TGFB1: variants seen among roughly 807,000 people sequenced by gnomAD.
The protein encoded by TGFB1 is transforming growth factor beta 1, also known as transforming growth factor beta-1 proprotein.
A neutral mutation model predicts 43.8 loss-of-function variants in TGFB1; 19 were observed. The observed-to-expected ratio is 0.43, with a 90% confidence interval of 0.30 to 0.64. TGFB1 has a LOEUF of 0.64. TGFB1 is among the 30% of genes least tolerant of loss of function. The pLI is 0.11. For missense variants in TGFB1, 445 were observed against 529.8 expected, an observed-to-expected ratio of 0.84 and a Z score of 1.57; for synonymous variants, 221 against 236.3, an observed-to-expected ratio of 0.94 and a Z score of 0.60.
intron 5 of TGFB1, among the ~76,000 whole-genome samples, chr19:41,339,983 A>G (rs2038036598): frequency 6.6e-6 from 1 of 152,174 alleles, no homozygotes; most frequent in South Asian, 2.1e-4. Flanking sequence ...GGGAGGAATA[A>G]GGTCAGATGA....
intron 1 of TGFB1, among the ~76,000 whole-genome samples, chr19:41,349,299 C>T (rs11466320): frequency 4.3e-4 from 66 of 152,294 alleles, no homozygotes; most frequent in African/African-American, 1.4e-3. Context: ...CTAATTTAAG[C>T]GCTGTGTAAC....
At chr19:41,350,634 T>C (rs2038177794) in intron 1 of TGFB1, among the ~76,000 whole-genome samples, 1 of 152,142 alleles carries the variant, frequency 6.6e-6, no homozygotes, top group Non-Finnish European at 1.5e-5. Context: ...TAGGAAAAGT[T>C]TGGGGATGGG....
At chr19:41,339,370 T>C (rs1329885576) in intron 5 of TGFB1, among the ~76,000 whole-genome samples, 1 of 152,036 alleles carries the variant, frequency 6.6e-6, no homozygotes, top group Non-Finnish European at 1.5e-5. Flanking sequence ...CTGCCTGCCT[T>C]GGCCTCCCAA....
chr19:41,339,143 T>C (rs2038023992), intron 5 of TGFB1, among the ~76,000 whole-genome samples: 2 of 142,660 alleles, frequency 1.4e-5, no homozygotes, highest in South Asian at 4.4e-4. Flanking sequence ...TTTTTTTTCC[T>C]GAGACAAGGT....
chr19:41,342,900 G>C (rs2038074674), intron 3 of TGFB1, among the ~76,000 whole-genome samples: 1 of 151,912 alleles, frequency 6.6e-6, no homozygotes, highest in African/African-American at 2.4e-5. Flanking sequence ...TCCTGCCCTG[G>C]CCTCCCGAAG....
In TGFB1 at chr19:41,332,266, G is replaced by A; in HGVS notation, c.876C>T (p.Asn292=). The A allele has an allele frequency of 3.1e-6, 5 of 1,613,976 alleles. No individual in the cohort carries two copies. Among genetic ancestry groups the A allele is most frequent in the Non-Finnish European group, 4.2e-6 (5 of 1,179,920 alleles). The change falls in exon 6 of 7, where the codon AAC becomes AAT. Residue 292 remains asparagine, a synonymous_variant. Coordinates refer to ENST00000221930, the MANE Select transcript of TGFB1 (RefSeq NM_000660.7). ...TNYCFSSTEK[N]CCVRQLYIDF... ...CAATGTACAGCTGCCGCACGCAGCA[G>A]TTCTTCTCCGTGGAGCTGCAGGCAG...
chr19:41,344,142 A>C (rs572846535), intron 3 of TGFB1, among the ~76,000 whole-genome samples: 1 of 151,818 alleles, frequency 6.6e-6, no homozygotes, highest in Non-Finnish European at 1.5e-5. Flanking sequence ...AACAGCATGC[A>C]TGGCTAATTT....
chr19:41,352,918 G>A lies in TGFB1; in HGVS notation c.127C>T (p.Arg43Trp). Residue 43 changes from arginine (R) to tryptophan (W), a missense_variant, in exon 1 of 7, where the codon CGG becomes TGG. Arg to Trp is a moderately radical substitution (Grantham distance 101, BLOSUM62 -3). Transcript: ENST00000221930. ...CKTIDMELVK[R>W]KRIEAIRGQI... ...CCGCGGATGGCCTCGATGCGCTTCC[G>A]CTTCACCAGCTCCATGTCGATAGTC... 1 of 1,557,076 alleles carries A rather than the reference G, an allele frequency of 6.4e-7. No homozygotes were observed. Among genetic ancestry groups the A allele is most frequent in the Non-Finnish European group, 8.7e-7 (1 of 1,152,226 alleles).
At chr19:41,338,763 C>T (rs773877040) in intron 5 of TGFB1, among the ~76,000 whole-genome samples, 2 of 150,926 alleles carry the variant, frequency 1.3e-5, no homozygotes, top group East Asian at 1.9e-4. Context: ...CACTTGAACC[C>T]GGGAGGCAGA....
chr19:41,352,594 C>A, intron 1 of TGFB1, 96 bp downstream of exon 1: 8 of 1,445,478 alleles, frequency 5.5e-6, no homozygotes, highest in Non-Finnish European at 7.6e-6. Context: ...CTTCCTCCAG[C>A]CAGTTTCTTC....
intron 5 of TGFB1, among the ~76,000 whole-genome samples, chr19:41,340,296 G>T (rs2038041151): frequency 1.5e-5 from 2 of 129,962 alleles, no homozygotes; most frequent in Non-Finnish European, 3.1e-5. Flanking sequence ...TCGCATCATT[G>T]CCCAGGCCGG....
intron 5 of TGFB1, among the ~76,000 whole-genome samples, chr19:41,340,271 TTTTTA>T (rs1791040092): frequency 6.8e-6 from 1 of 146,796 alleles, no homozygotes; most frequent in Middle Eastern, 3.2e-3. Context: ...TTTTTTTTTT[TTTTTA>T]GATGGAGTCT....
intron 5 of TGFB1, among the ~76,000 whole-genome samples, chr19:41,338,579 C>G (rs1017672988): frequency 6.6e-6 from 1 of 151,764 alleles, no homozygotes; most frequent in Non-Finnish European, 1.5e-5. Context: ...TGGCTCATGC[C>G]TGTAATCCTA....
At chr19:41,344,904 T>G in intron 2 of TGFB1, 40 bp from the exon 3 acceptor site, 10 of 1,517,782 alleles carry the variant, frequency 6.6e-6, no homozygotes, top group Non-Finnish European at 9.0e-6. Context: ...AGTGGGTAGA[T>G]GGTGTCACGA....
In TGFB1 at chr19:41,330,766, C is replaced by T. The variant is rs1402074315; in HGVS notation, c.*286G>A. On this transcript the variant is annotated 3_prime_UTR_variant, in exon 7 of 7. Transcript: ENST00000221930. ...AAATAGATCTAACTACAGTAGTGTT[C>T]CCCACTGGTCCCCTGTGCCTTGATG... The T allele has an allele frequency of 1.2e-5, 5 of 426,132 alleles. No homozygotes were observed. Among genetic ancestry groups the T allele is most frequent in the Non-Finnish European group, 2.1e-5 (5 of 236,446 alleles). The allele number at this position is 426,132 out of a possible 1,614,324, so 26.4% of individuals were successfully genotyped here. A position where few individuals can be genotyped will look rare whatever the true frequency, so the allele number is the denominator to read the frequency against.
intron 5 of TGFB1, among the ~76,000 whole-genome samples, chr19:41,336,299 GAA>G (rs2037987619): frequency 6.6e-6 from 1 of 151,798 alleles, no homozygotes; most frequent in South Asian, 2.1e-4. Context: ...CGTCCAGCTG[GAA>G]AGTTTCAGAT....
intron 5 of TGFB1, among the ~76,000 whole-genome samples, chr19:41,340,869 G>A (rs755485010): frequency 1.2e-4 from 18 of 152,080 alleles, no homozygotes; most frequent in Non-Finnish European, 1.9e-4. Flanking sequence ...CCTTGAGTCC[G>A]ACATTTTCCA....
At chr19:41,341,466 C>CAAAATAAA (rs2038054088) in intron 5 of TGFB1, among the ~76,000 whole-genome samples, 1 of 35,586 alleles carries the variant, frequency 2.8e-5, no homozygotes, top group African/African-American at 1.2e-4. Flanking sequence ...GACTCTGTCT[C>CAAAATAAA]AAAAAAAAAA....
chr19:41,339,823 CA>C (rs2038034119), intron 5 of TGFB1, among the ~76,000 whole-genome samples: 2 of 152,158 alleles, frequency 1.3e-5, no homozygotes, highest in Admixed American at 1.3e-4. Context: ...GACTCTGTCT[CA>C]AAAAAGACCT....
Sources: allele counts gnomAD v4.1 joint callset (sites outside exome capture counted in the v4.1 genomes callset), GRCh38; gene constraint gnomAD v4.1.1; transcripts MANE v1.5; gene names NCBI Gene and HGNC (gene_info 2026-07-23, HGNC 2026-07-21).